Variants in GLIS3 observed in about 807,000 individuals in gnomAD.
GLIS3 encodes the protein GLIS family zinc finger 3, also known as zinc finger protein GLIS3.
GLIS3 carries 53 observed loss-of-function variants against 78.6 expected under a neutral mutation model. That is an observed-to-expected ratio of 0.67 (90% CI 0.54 to 0.85). The LOEUF is 0.85. Among genes scored for constraint, GLIS3 ranks in the 40% least tolerant of loss-of-function variants. The pLI, the probability that GLIS3 is intolerant of heterozygous loss-of-function variation, is 0.00. For synonymous variants in GLIS3, 684 were observed against 509.9 expected (o/e 1.34, Z -4.60); for missense variants, 1,703 against 1,231.1 (o/e 1.38, Z -5.74).
intron 4 of GLIS3, among the ~76,000 whole-genome samples, chr9:4,103,469 A>G (rs1023159958): frequency 2.6e-5 from 4 of 152,126 alleles, no homozygotes; most frequent in African/African-American, 9.7e-5. Flanking sequence ...TCACTGAGAG[A>G]TTAACTTATT....
At position 3,976,795 on chromosome 9, in the gene GLIS3, C is replaced by CAAAAAAA; in HGVS notation, c.1711-39613_1711-39607dup. On this transcript the variant is annotated intron_variant, in intron 4 of 10. Coordinates refer to ENST00000381971, the MANE Select transcript of GLIS3 (RefSeq NM_001042413.2). ...ATGGGAGACAGAAATCCTCCCCCTG[C>CAAAAAAA]AAAAAAAAAAAAAAAAAAAAAAAAA... Among the ~76,000 whole-genome samples, 19 of 26,184 alleles carry CAAAAAAA rather than the reference C, an allele frequency of 7.3e-4. 2 individuals are homozygous for CAAAAAAA. Among genetic ancestry groups the CAAAAAAA allele is most frequent in the Non-Finnish European group, 1.1e-3 (15 of 13,608 alleles). 17.2% of individuals were successfully genotyped at this position (26,184 alleles called of 152,430 possible). A position where few individuals can be genotyped will look rare whatever the true frequency, so the allele number is the denominator to read the frequency against.
intron 4 of GLIS3, among the ~76,000 whole-genome samples, chr9:4,072,796 T>C (rs1406402810): frequency 6.6e-6 from 1 of 152,154 alleles, no homozygotes; most frequent in Non-Finnish European, 1.5e-5. Context: ...TTTAGTTTCT[T>C]TCTTCTATAT....
At position 3,856,113 on chromosome 9, in the gene GLIS3, T is replaced by A; in HGVS notation, c.2369A>T (p.Gln790Leu). ...RRVPAPSSIL[Q>L]RTQPPYTQQP... ...CTGGGTATAGGGAGGCTGTGTTCTT[T>A]GCAGTATTGAAGAAGGAGCTGGAAC... Residue 790 changes from glutamine to leucine, a missense_variant, in exon 9 of 11, where the codon CAA (glutamine) becomes CTA (leucine). Transcript: ENST00000381971. 1 of 1,614,184 alleles carries A rather than the reference T, an allele frequency of 6.2e-7. No individual in the cohort carries two copies. Among genetic ancestry groups the A allele is most frequent in the East Asian group, 2.2e-5 (1 of 44,884 alleles).
chr9:4,127,065 C>T (rs1439133819), intron 2 of GLIS3, among the ~76,000 whole-genome samples: 2 of 152,086 alleles, frequency 1.3e-5, no homozygotes, highest in African/African-American at 4.8e-5. Context: ...CAAGAGCCCC[C>T]CAAAACAATA....
At chr9:4,343,715 A>G (rs1282438649) in intron 2 of GLIS3, among the ~76,000 whole-genome samples, 1 of 152,226 alleles carries the variant, frequency 6.6e-6, no homozygotes, top group Admixed American at 6.5e-5. Context: ...CATACACACC[A>G]CGGAATACTA....
chr9:4,216,839 CA>C (rs1272944949), intron 2 of GLIS3, among the ~76,000 whole-genome samples: 1 of 152,160 alleles, frequency 6.6e-6, no homozygotes, highest in Non-Finnish European at 1.5e-5. Flanking sequence ...AGAGATGAAG[CA>C]GACAAGGAAT....
At chr9:4,396,267 T>C in the GLIS3 span, among the ~76,000 whole-genome samples, 1 of 152,090 alleles carries the variant, frequency 6.6e-6, no homozygotes, top group Admixed American at 6.5e-5. Flanking sequence ...CATCCACCAC[T>C]ATGCCTAGCT....
chr9:4,358,900 T>C, the GLIS3 span, among the ~76,000 whole-genome samples: 184 of 152,296 alleles, frequency 1.2e-3, no homozygotes, highest in African/African-American at 4.3e-3. Flanking sequence ...TGCTGCTGCC[T>C]CCACTCTCCC....
Position 4,264,310 on chromosome 9 carries a change from C to T in GLIS3, c.388+21728G>A, listed in dbSNP as rs1825792675. ...TACTCTGAATCTAAACCCACCACCA[C>T]CACCATGATGCTAGTCCCAGCGACC... On this transcript the variant is annotated intron_variant, in intron 2 of 10. Transcript: ENST00000381971. Among the ~76,000 whole-genome samples, 3 of 152,200 alleles carry T rather than the reference C, an allele frequency of 2.0e-5. 1 individual carries two copies. Among genetic ancestry groups the T allele is most frequent in the Admixed American group, 2.0e-4 (3 of 15,278 alleles).
chr9:4,181,635 T>C (rs1817332177), intron 2 of GLIS3, among the ~76,000 whole-genome samples: 1 of 152,268 alleles, frequency 6.6e-6, no homozygotes, highest in South Asian at 2.1e-4. Context: ...ACTTTGCTAT[T>C]CCTCACACTG....
At chr9:4,403,517 T>A in the GLIS3 span, among the ~76,000 whole-genome samples, 2 of 152,146 alleles carry the variant, frequency 1.3e-5, no homozygotes, top group East Asian at 1.9e-4. Context: ...TTTCAAGACA[T>A]AGACAGCACA....
intron 4 of GLIS3, among the ~76,000 whole-genome samples, chr9:4,061,356 G>A (rs1393981328): frequency 2.0e-5 from 3 of 151,816 alleles, no homozygotes; most frequent in African/African-American, 4.8e-5. Context: ...GAGAATGATG[G>A]TTTCCAGCTT....
intron 4 of GLIS3, among the ~76,000 whole-genome samples, chr9:3,988,379 T>G (rs2129724537): frequency 6.6e-6 from 1 of 152,230 alleles, no homozygotes; most frequent in South Asian, 2.1e-4. Context: ...GTTATGTTGA[T>G]GACTGAAATA....
At chr9:4,071,896 T>A (rs1402107299) in intron 4 of GLIS3, 1 of 152,126 alleles carries the variant, frequency 6.6e-6, no homozygotes, top group Non-Finnish European at 1.5e-5. Flanking sequence ...TCCATAACAA[T>A]GCAAAAGATA....
intron 10 of GLIS3, 128 bp from the exon 11 acceptor site, chr9:3,828,536 G>T: frequency 8.6e-7 from 1 of 1,168,830 alleles, no homozygotes; most frequent in Non-Finnish European, 1.2e-6. Context: ...GCCAGCCTGG[G>T]CCCTATAGTG....
the GLIS3 span, among the ~76,000 whole-genome samples, chr9:4,403,232 G>A: frequency 3.3e-5 from 5 of 152,110 alleles, no homozygotes; most frequent in Admixed American, 3.3e-4. Context: ...CAAGCAGTAA[G>A]GAGAAATAAG....
At chr9:4,202,601 G>T (rs1195575922) in intron 2 of GLIS3, among the ~76,000 whole-genome samples, 1 of 152,106 alleles carries the variant, frequency 6.6e-6, no homozygotes, top group African/African-American at 2.4e-5. Context: ...AAATCGCATG[G>T]TGAAAGTACA....
intron 4 of GLIS3, among the ~76,000 whole-genome samples, chr9:3,978,424 C>T (rs776928437): frequency 1.1e-4 from 16 of 151,988 alleles, no homozygotes; most frequent in Non-Finnish European, 2.2e-4. Context: ...CCATTCTATA[C>T]ATACTGTAAA....
intron 4 of GLIS3, among the ~76,000 whole-genome samples, chr9:4,005,062 T>C (rs1336719290): frequency 2.6e-5 from 4 of 152,228 alleles, no homozygotes; most frequent in East Asian, 1.9e-4. Context: ...CATTCTGTTC[T>C]GAACTGTCAT....
Sources: gnomAD v4.1 joint callset for allele counts (sites outside exome capture counted in the v4.1 genomes callset) on GRCh38, gnomAD v4.1.1 for gene constraint, MANE v1.5 for transcripts, NCBI Gene and HGNC (gene_info 2026-07-23, HGNC 2026-07-21) for gene names.